TBCA: variants seen among roughly 807,000 people sequenced by gnomAD.
TBCA encodes the protein tubulin folding cofactor A.
TBCA carries 6 observed loss-of-function variants against 15.8 expected under a neutral mutation model. The observed-to-expected ratio is 0.38, with a 90% confidence interval of 0.21 to 0.75. The LOEUF (loss-of-function observed/expected upper bound fraction) is 0.75, where lower values mean the gene tolerates loss of function less well. Ranked by LOEUF, TBCA falls within the 30% of genes least tolerant of loss-of-function variation. The probability of loss-of-function intolerance (pLI) is 0.46; values close to 1 mark genes in which losing one functional copy is unlikely to be tolerated. For missense variants in TBCA, 90 were observed against 131.2 expected (o/e 0.69, Z 1.53); for synonymous variants, 32 against 42.3 (o/e 0.76, Z 0.94).
chr5:77,697,564 T>C (rs865974401), intron 2 of TBCA, among the ~76,000 whole-genome samples: 9 of 151,732 alleles, frequency 5.9e-5, no homozygotes, highest in Non-Finnish European at 1.2e-4. Context: ...CACAGATAAA[T>C]GGAAATGAAA....
At chr5:77,719,082 C>T (rs1286807250) in intron 1 of TBCA, among the ~76,000 whole-genome samples, 1 of 152,120 alleles carries the variant, frequency 6.6e-6, no homozygotes, top group Non-Finnish European at 1.5e-5. Flanking sequence ...AGAATATATG[C>T]CTCACAGATA....
intron 3 of TBCA, chr5:77,692,827 C>T: frequency 1.9e-6 from 2 of 1,063,470 alleles, no homozygotes; most frequent in Admixed American, 4.9e-5. Context: ...AGGTTTTTTC[C>T]CCCTCTCAAA....
At chr5:77,732,954 G>A (rs1351521744) in intron 1 of TBCA, among the ~76,000 whole-genome samples, 1 of 152,148 alleles carries the variant, frequency 6.6e-6, no homozygotes, top group Non-Finnish European at 1.5e-5. Flanking sequence ...CAAGTGAAAG[G>A]AAGAATCACA....
intron 1 of TBCA, among the ~76,000 whole-genome samples, chr5:77,769,328 C>G (rs1376317750): frequency 6.6e-6 from 1 of 152,172 alleles, no homozygotes; most frequent in Admixed American, 6.5e-5. Context: ...GAAAACAAAG[C>G]TAGCAAATCT....
At chr5:77,738,696 C>CCTTA (rs1324171918) in intron 1 of TBCA, among the ~76,000 whole-genome samples, 5 of 152,204 alleles carry the variant, frequency 3.3e-5, no homozygotes, top group Non-Finnish European at 5.9e-5. Flanking sequence ...AATTCTCATG[C>CCTTA]CTTAGCCTTC....
chr5:77,714,639 C>T (rs1165989470), intron 1 of TBCA, among the ~76,000 whole-genome samples: 20 of 151,380 alleles, frequency 1.3e-4, no homozygotes, highest in Admixed American at 4.6e-4. Flanking sequence ...CAATCTCAGC[C>T]TACTGCAAGC....
chr5:77,757,104 T>C (rs1406089998), intron 1 of TBCA, among the ~76,000 whole-genome samples: 2 of 152,200 alleles, frequency 1.3e-5, no homozygotes, highest in African/African-American at 4.8e-5. Context: ...TCAGAGGCTT[T>C]GTTCCCCATA....
intron 1 of TBCA, among the ~76,000 whole-genome samples, chr5:77,726,204 A>G (rs1746628051): frequency 1.3e-5 from 2 of 152,236 alleles, no homozygotes; most frequent in Non-Finnish European, 1.5e-5. Context: ...CAGTATTTTT[A>G]ACTTCCAAAG....
chr5:77,755,627 G>A (rs537133670), intron 1 of TBCA, among the ~76,000 whole-genome samples: 1 of 151,976 alleles, frequency 6.6e-6, no homozygotes, highest in Non-Finnish European at 1.5e-5. Flanking sequence ...CACAAGAACA[G>A]ACCTAATATG....
rs917025637 is a variant in TBCA at position 77,729,326 on chromosome 5, A to G, written c.54-20979T>C. On this transcript the variant is annotated intron_variant, in intron 1 of 3. Coordinates refer to ENST00000380377, the MANE Select transcript of TBCA (RefSeq NM_004607.3). Reference sequence around the variant, plus strand: ...GAGATTCCATCTAAAAAAAAAGGAGAGAGAGAAGCATAATACCATCACTGG... The same window carrying G: ...GAGATTCCATCTAAAAAAAAAGGAGGGAGAGAAGCATAATACCATCACTGG... 6.6e-5 allele frequency among the ~76,000 whole-genome samples: 10 copies of G among 151,994 alleles called. 1 individual carries two copies. Among genetic ancestry groups the G allele is most frequent in the African/African-American group, 1.9e-4 (8 of 41,378 alleles).
chr5:77,709,466 C>G (rs1245565728), intron 1 of TBCA, among the ~76,000 whole-genome samples: 1 of 152,068 alleles, frequency 6.6e-6, no homozygotes, highest in Non-Finnish European at 1.5e-5. Flanking sequence ...TACACAGTAT[C>G]TAAAGAGCAG....
At chr5:77,732,466 G>T (rs1489603583) in intron 1 of TBCA, among the ~76,000 whole-genome samples, 1 of 149,288 alleles carries the variant, frequency 6.7e-6, no homozygotes, top group Admixed American at 6.7e-5. Flanking sequence ...CAGGAGAAAG[G>T]CATGGACCCG....
chr5:77,739,379 T>G (rs1446374214), intron 1 of TBCA, among the ~76,000 whole-genome samples: 1 of 152,300 alleles, frequency 6.6e-6, no homozygotes, highest in African/African-American at 2.4e-5. Flanking sequence ...GAGCGTCGCT[T>G]GAACCTAGGA....
intron 1 of TBCA, among the ~76,000 whole-genome samples, chr5:77,765,446 A>C (rs949056505): frequency 3.3e-5 from 5 of 152,168 alleles, no homozygotes; most frequent in African/African-American, 1.2e-4. Context: ...GGAACACAGA[A>C]AAGGGGGCAC....
intron 1 of TBCA, among the ~76,000 whole-genome samples, chr5:77,732,947 G>C (rs1439800709): frequency 6.6e-6 from 1 of 152,122 alleles, no homozygotes; most frequent in African/African-American, 2.4e-5. Context: ...AAGTGTTCAA[G>C]TGAAAGGAAG....
intron 1 of TBCA, among the ~76,000 whole-genome samples, chr5:77,770,816 C>T (rs112924094): frequency 5.3e-5 from 8 of 152,152 alleles, no homozygotes; most frequent in South Asian, 2.1e-4. Context: ...TGAACAAAGG[C>T]TGCTGCTCAA....
intron 1 of TBCA, among the ~76,000 whole-genome samples, chr5:77,774,334 G>A (rs934459207): frequency 2.0e-5 from 3 of 152,160 alleles, no homozygotes; most frequent in African/African-American, 7.2e-5. Flanking sequence ...CCTCTTCCCT[G>A]TCCAGGTCTT....
intron 1 of TBCA, among the ~76,000 whole-genome samples, chr5:77,761,632 T>TAAATAATTAAAAAAAA (rs1287398240): frequency 3.3e-5 from 5 of 149,970 alleles, no homozygotes; most frequent in African/African-American, 4.9e-5. Context: ...GAATGATCAA[T>TAAATAATTAAAAAAAA]AAATACTTAA....
intron 1 of TBCA, among the ~76,000 whole-genome samples, chr5:77,711,432 T>C (rs1190669402): frequency 6.6e-6 from 1 of 152,164 alleles, no homozygotes; most frequent in Non-Finnish European, 1.5e-5. Flanking sequence ...ACCGAAGCCA[T>C]TTACTTGCTA....
Sources: gnomAD v4.1 joint callset for allele counts (sites outside exome capture counted in the v4.1 genomes callset) on GRCh38, gnomAD v4.1.1 for gene constraint, MANE v1.5 for transcripts, NCBI Gene and HGNC (gene_info 2026-07-23, HGNC 2026-07-21) for gene names.